Variants in PIGK observed in about 807,000 individuals in gnomAD.
PIGK encodes GPI-anchor transamidase.
PIGK carries 42 observed loss-of-function variants against 50.6 expected under a neutral mutation model. The ratio of observed to expected loss-of-function variants is 0.83; its 90% CI spans 0.65 to 1.07. PIGK has a LOEUF of 1.07. Ranked by LOEUF, PIGK falls within the 50% of genes least tolerant of loss-of-function variation. PIGK has a pLI of 0.00. For synonymous variants in PIGK, 151 were observed against 156.0 expected (o/e 0.97, Z 0.24); for missense variants, 448 against 488.7 (o/e 0.92, Z 0.78).
At chr1:77,217,971 A>G (rs1420283197) in intron 1 of PIGK, among the ~76,000 whole-genome samples, 1 of 152,212 alleles carries the variant, frequency 6.6e-6, no homozygotes, top group Non-Finnish European at 1.5e-5. Context: ...CAGAACTTCT[A>G]TTTACTCATA....
chr1:77,206,182 C>A (rs77096504), intron 3 of PIGK, among the ~76,000 whole-genome samples: 20,303 of 152,136 alleles, frequency 0.13, 1,569 homozygotes, highest in East Asian at 0.36. Context: ...TTATTGTCAC[C>A]AGACTGTTTT....
intron 10 of PIGK, among the ~76,000 whole-genome samples, chr1:77,109,578 C>G (rs1653788883): frequency 6.6e-6 from 1 of 152,296 alleles, no homozygotes; most frequent in South Asian, 2.1e-4. Context: ...GCTAAAAACT[C>G]TACATAAATT....
chr1:77,199,455 A>G (rs1261586227), intron 3 of PIGK, among the ~76,000 whole-genome samples: 1 of 152,064 alleles, frequency 6.6e-6, no homozygotes, highest in African/African-American at 2.4e-5. Context: ...AATTATCTTC[A>G]CAATAACTAT....
chr1:77,096,301 T>G (rs1653403578), intron 10 of PIGK, among the ~76,000 whole-genome samples: 1 of 152,172 alleles, frequency 6.6e-6, no homozygotes, highest in Non-Finnish European at 1.5e-5. Context: ...AACATGGCCC[T>G]AATTACCCAT....
chr1:77,144,591 T>C (rs1654725302), intron 9 of PIGK, among the ~76,000 whole-genome samples: 1 of 151,886 alleles, frequency 6.6e-6, no homozygotes, highest in Non-Finnish European at 1.5e-5. Context: ...AGGGATATGG[T>C]ACTATGTTGT....
At chr1:77,156,762 A>G (rs1351484862) in intron 8 of PIGK, among the ~76,000 whole-genome samples, 1 of 152,184 alleles carries the variant, frequency 6.6e-6, no homozygotes, top group Admixed American at 6.5e-5. Context: ...TAAAGGAACC[A>G]TATAAATTGC....
At chr1:77,194,898 C>T in intron 3 of PIGK, 2 of 485,538 alleles carry the variant, frequency 4.1e-6, no homozygotes, top group South Asian at 3.3e-5. Context: ...GGACAGGGAA[C>T]CAGGTGGTCA....
At chr1:77,121,636 GC>G (rs1654097145) in intron 10 of PIGK, among the ~76,000 whole-genome samples, 1 of 152,100 alleles carries the variant, frequency 6.6e-6, no homozygotes, top group South Asian at 2.1e-4. Context: ...AGGTCTAAAG[GC>G]TATAACTCTA....
chr1:77,185,068 T>C (rs1415162358), intron 3 of PIGK, among the ~76,000 whole-genome samples: 3 of 152,234 alleles, frequency 2.0e-5, no homozygotes, highest in African/African-American at 7.2e-5. Flanking sequence ...CTGTTCCCGA[T>C]GTGGTTTCAT....
rs754975338 is a variant in PIGK, at chr1:77,129,140, G to A, written c.987-6781C>T. 6.9e-6 allele frequency: 10 copies of A among 1,447,066 alleles called. No homozygotes were observed. The Admixed American group carries it at 8.4e-5, about 12-fold the overall frequency. The allele number at this position is 1,447,066 out of a possible 1,614,324, so 89.6% of individuals were successfully genotyped here. ...TGGTTCGCTACTCACTTGACCCGGA[G>A]AACCCCACGAAATCATGCAAATCAA... On this transcript the variant is annotated intron_variant, in intron 9 of 10. Coordinates refer to ENST00000370812, the MANE Select transcript of PIGK (RefSeq NM_005482.3).
intron 3 of PIGK, among the ~76,000 whole-genome samples, chr1:77,188,852 C>T (rs1655821115): frequency 1.3e-5 from 2 of 152,076 alleles, no homozygotes; most frequent in Non-Finnish European, 1.5e-5. Context: ...GCAGGTTCCC[C>T]GATAGTCACC....
At chr1:77,150,974 A>G (rs1056487117) in intron 9 of PIGK, among the ~76,000 whole-genome samples, 7 of 152,182 alleles carry the variant, frequency 4.6e-5, no homozygotes, top group African/African-American at 1.7e-4. Context: ...AGGAGGGAAT[A>G]CTTCCAAATT....
chr1:77,192,242 A>G (rs1655924872), intron 3 of PIGK, among the ~76,000 whole-genome samples: 1 of 152,210 alleles, frequency 6.6e-6, no homozygotes, highest in Non-Finnish European at 1.5e-5. Context: ...AAAGCCAACT[A>G]AGACAAAAAT....
chr1:77,175,411 G>A (rs1193906698), intron 3 of PIGK, among the ~76,000 whole-genome samples: 1 of 152,190 alleles, frequency 6.6e-6, no homozygotes, highest in Non-Finnish European at 1.5e-5. Flanking sequence ...CAAGCATGAC[G>A]TAGGTGGTCT....
chr1:77,183,444 G>C (rs1054052158), intron 3 of PIGK, among the ~76,000 whole-genome samples: 1 of 152,148 alleles, frequency 6.6e-6, no homozygotes, highest in Non-Finnish European at 1.5e-5. Flanking sequence ...TTCTCCTCAG[G>C]AGCCACCTCC....
At chr1:77,167,562 A>T (rs184081514) in intron 4 of PIGK, among the ~76,000 whole-genome samples, 66 of 151,618 alleles carry the variant, frequency 4.4e-4, no homozygotes, top group African/African-American at 1.5e-3. Flanking sequence ...TGGACAACCT[A>T]GTAAGACCCC....
At chr1:77,118,962 TA>T (rs1459656490) in intron 10 of PIGK, among the ~76,000 whole-genome samples, 1 of 152,206 alleles carries the variant, frequency 6.6e-6, no homozygotes, top group Non-Finnish European at 1.5e-5. Context: ...ATTACGCATA[TA>T]AATATTTCTT....
intron 8 of PIGK, among the ~76,000 whole-genome samples, chr1:77,156,832 C>G (rs574821487): frequency 6.6e-6 from 1 of 152,132 alleles, no homozygotes; most frequent in South Asian, 2.1e-4. Flanking sequence ...ACAAATAAAC[C>G]AGGTACTGTA....
chr1:77,163,757 A>C, intron 6 of PIGK, 89 bp downstream of exon 6: 1 of 714,356 alleles, frequency 1.4e-6, no homozygotes, highest in Non-Finnish European at 2.3e-6. Context: ...ATAAGTTAAA[A>C]ATCTTAAAAA....
Sources: gnomAD v4.1 joint callset for allele counts (sites outside exome capture counted in the v4.1 genomes callset) on GRCh38, gnomAD v4.1.1 for gene constraint, MANE v1.5 for transcripts, NCBI Gene and HGNC (gene_info 2026-07-23, HGNC 2026-07-21) for gene names.